Variants in BCL7A observed in about 807,000 individuals in gnomAD.
The protein encoded by BCL7A is BAF chromatin remodeling complex subunit BCL7A.
Under a neutral mutation model 28.4 loss-of-function variants are expected in BCL7A, and 11 were observed. The ratio of observed to expected loss-of-function variants is 0.39; its 90% CI spans 0.24 to 0.64. BCL7A has a LOEUF of 0.64. BCL7A is among the 30% of genes least tolerant of loss of function. The pLI is 0.50. For missense variants in BCL7A, 222 were observed against 274.8 expected (o/e 0.81, Z 1.36); for synonymous variants, 123 against 103.3 (o/e 1.19, Z -1.15).
chr12:122,034,193 A>T (rs1236620807), intron 2 of BCL7A, among the ~76,000 whole-genome samples: 1 of 86 alleles, frequency 0.012, no homozygotes, highest in African/African-American at 0.036. Context: ...CATCTTTCAT[A>T]TATATATATA....
intron 4 of BCL7A, among the ~76,000 whole-genome samples, chr12:122,051,872 T>C (rs1884198443): frequency 7.3e-6 from 1 of 136,752 alleles, no homozygotes; most frequent in African/African-American, 2.8e-5. Context: ...CTCTCTTTTT[T>C]TTTTTTTTTT....
intron 4 of BCL7A, among the ~76,000 whole-genome samples, chr12:122,045,447 G>A (rs969045413): frequency 6.6e-6 from 1 of 152,110 alleles, no homozygotes; most frequent in African/African-American, 2.4e-5. Context: ...GGTGTGGGGG[G>A]CTCGTAAGGC....
At chr12:122,040,552 C>CA (rs1883946085) in intron 3 of BCL7A, among the ~76,000 whole-genome samples, 1 of 148,592 alleles carries the variant, frequency 6.7e-6, no homozygotes. Flanking sequence ...AAAAAAAAAC[C>CA]AAAAGATCCA....
chr12:122,048,023 C>T (rs1264550585), intron 4 of BCL7A, among the ~76,000 whole-genome samples: 1 of 151,572 alleles, frequency 6.6e-6, no homozygotes, highest in African/African-American at 2.4e-5. Context: ...CCTGCCTCAG[C>T]CTCCAGAGTA....
At chr12:122,040,856 C>CGCTGTTACCAGGCTACCAG (rs1168296539) in intron 3 of BCL7A, among the ~76,000 whole-genome samples, 6 of 152,096 alleles carry the variant, frequency 3.9e-5, no homozygotes, top group African/African-American at 1.4e-4. Context: ...ATCAGGGTCA[C>CGCTGTTACCAGGCTACCAG]GCTGTTACCA....
At chr12:122,033,351 G>A (rs899860777) in intron 2 of BCL7A, among the ~76,000 whole-genome samples, 3 of 151,940 alleles carry the variant, frequency 2.0e-5, no homozygotes, top group African/African-American at 7.3e-5. Context: ...GTCTCACTCT[G>A]TTGCCAGACT....
intron 5 of BCL7A, among the ~76,000 whole-genome samples, chr12:122,055,789 T>C (rs1951874918): frequency 6.6e-6 from 1 of 152,182 alleles, no homozygotes; most frequent in Non-Finnish European, 1.5e-5. Flanking sequence ...TGGCTGATTT[T>C]TGTATTTTTA....
Position 122,060,708 on chromosome 12 carries a change from T to C in BCL7A, c.*1545T>C, listed in dbSNP as rs1289954299. 4.3e-6 allele frequency: 1 copy of C among 233,036 alleles called. No individual in the cohort carries two copies. Among genetic ancestry groups the C allele is most frequent in the African/African-American group, 2.2e-5 (1 of 45,322 alleles). 14.4% of individuals were successfully genotyped at this position (233,036 alleles called of 1,614,324 possible). On this transcript the variant is annotated 3_prime_UTR_variant, in exon 6 of 6. Coordinates refer to ENST00000261822, the MANE Select transcript of BCL7A (RefSeq NM_001024808.3). ...TTGGTGCATATTCAGGTACCACCTT[T>C]GACGTGTGGCTCTTTCTCCTGACCA...
chr12:122,035,203 C>G, intron 2 of BCL7A, 128 bp from the exon 3 acceptor site: 1 of 801,654 alleles, frequency 1.2e-6, no homozygotes, highest in South Asian at 1.8e-5. Context: ...AGGAAAACCT[C>G]CAGAGGCCTG....
chr12:122,041,648 C>T (rs188047122), intron 3 of BCL7A, among the ~76,000 whole-genome samples: 3 of 152,294 alleles, frequency 2.0e-5, no homozygotes, highest in Admixed American at 2.0e-4. Context: ...CCTGTGGCCC[C>T]AGCTACTCAG....
chr12:122,040,948 C>T (rs10840643), intron 3 of BCL7A, among the ~76,000 whole-genome samples: 102,812 of 151,752 alleles, frequency 0.68, 36,362 homozygotes, highest in Non-Finnish European at 0.8. Context: ...CGGGGCCAGC[C>T]TCTTGCGCGT....
At chr12:122,023,618 G>T (rs2135834809) in intron 1 of BCL7A, among the ~76,000 whole-genome samples, 1 of 152,328 alleles carries the variant, frequency 6.6e-6, no homozygotes, top group East Asian at 1.9e-4. Context: ...GTGGGACAAA[G>T]AATTTTCAGA....
At position 122,054,878 on chromosome 12, in the gene BCL7A, G is replaced by A. The variant is rs747641597; in HGVS notation, c.513G>A (p.Gln171=). The change falls in exon 5 of 6, where the codon CAG becomes CAA. Residue 171 remains glutamine, a synonymous_variant. Transcript: ENST00000261822. ...ACAGCTCAGAGAAAGTAGATCGGCA[G>A]CCGTCTGGAGACTCGGGTCTGGCCG... ...SMNSSEKVDR[Q]PSGDSGLAAE... 1 of 1,614,228 alleles carries A rather than the reference G, an allele frequency of 6.2e-7. No homozygotes were observed. Among genetic ancestry groups the A allele is most frequent in the Non-Finnish European group, 8.5e-7 (1 of 1,180,044 alleles).
chr12:122,023,593 C>T (rs1050702815), intron 1 of BCL7A, among the ~76,000 whole-genome samples: 5 of 152,208 alleles, frequency 3.3e-5, no homozygotes, highest in Non-Finnish European at 7.3e-5. Context: ...CGGCCGTGGG[C>T]TGGGTTTGGC....
In BCL7A at chr12:122,030,772, G is replaced by A; in HGVS notation, c.165G>A (p.Lys55=). The part of the protein sequence containing the change: ...IYKWVPVTEP[K]VDDKNKNKKK... The stretch of plus-strand genomic sequence containing the variant: ...AATGGGTCCCTGTGACGGAGCCCAA[G>A]GTTGATGACGTGAGTATGGAGGGCT... Residue 55 remains lysine (K), a synonymous_variant, in exon 2 of 6, where the codon AAG becomes AAA. Transcript: ENST00000261822. 1 of 1,614,000 alleles carries A rather than the reference G, an allele frequency of 6.2e-7. No individual in the cohort carries two copies. Among genetic ancestry groups the A allele is most frequent in the Non-Finnish European group, 8.5e-7 (1 of 1,179,868 alleles).
At chr12:122,025,330 A>G (rs1883598006) in intron 1 of BCL7A, among the ~76,000 whole-genome samples, 1 of 152,018 alleles carries the variant, frequency 6.6e-6, no homozygotes, top group Non-Finnish European at 1.5e-5. Flanking sequence ...AAAAAAAAGA[A>G]AAAGAAAAAA....
At chr12:122,023,534 G>A (rs1344432416) in intron 1 of BCL7A, among the ~76,000 whole-genome samples, 3 of 152,316 alleles carry the variant, frequency 2.0e-5, no homozygotes, top group South Asian at 2.1e-4. Context: ...TAAAGTCCAC[G>A]TGCTCCCCGG....
chr12:122,034,417 T>C (rs1883808081), intron 2 of BCL7A, among the ~76,000 whole-genome samples: 1 of 119,776 alleles, frequency 8.3e-6, no homozygotes, highest in Admixed American at 9.4e-5. Context: ...CTAACATGAT[T>C]CCTTTCGTAA....
At position 122,021,930 on chromosome 12, in the gene BCL7A, ATGTG is replaced by A. The variant is rs1054142046; in HGVS notation, c.-137_-134del. On this transcript the variant is annotated 5_prime_UTR_variant, in exon 1 of 6. The change abolishes the stop of an existing upstream ORF in the 5' untranslated region. Coordinates refer to ENST00000261822, the MANE Select transcript of BCL7A (RefSeq NM_001024808.3). ...GGCCCCGGGCTTTGTGTGTGTGTGT[ATGTG>A]TGTGTGTGTGTGTGTGTGTGTGTGA... The A allele has an allele frequency of 1.0e-3, 402 of 387,928 alleles. 3 individuals are homozygous for A. Among genetic ancestry groups the A allele is most frequent in the East Asian group, 2.0e-3 (45 of 21,976 alleles). 24.0% of individuals were successfully genotyped at this position (387,928 alleles called of 1,614,324 possible).
Sources: gnomAD v4.1 joint callset for allele counts (sites outside exome capture counted in the v4.1 genomes callset) on GRCh38, gnomAD v4.1.1 for gene constraint, MANE v1.5 for transcripts, NCBI Gene and HGNC (gene_info 2026-07-23, HGNC 2026-07-21) for gene names.